The following SPOCK1 variants were observed in gnomAD, a reference collection of about 807,000 sequenced individuals.
SPOCK1 encodes SPARC (osteonectin), cwcv and kazal like domains proteoglycan 1.
In SPOCK1, 23 loss-of-function variants were observed where a neutral mutation model predicts 55.3. That is an observed-to-expected ratio of 0.42 (90% CI 0.30 to 0.59). The LOEUF is 0.59. Ranked by LOEUF, SPOCK1 falls within the 20% of genes least tolerant of loss-of-function variation. SPOCK1 has a pLI of 0.22. For synonymous variants in SPOCK1, 226 were observed against 221.0 expected (o/e 1.02, Z -0.20); for missense variants, 499 against 552.5 (o/e 0.90, Z 0.97).
At chr5:137,154,796 A>C (rs1164844537) in intron 3 of SPOCK1, among the ~76,000 whole-genome samples, 1 of 152,212 alleles carries the variant, frequency 6.6e-6, no homozygotes, top group Non-Finnish European at 1.5e-5. Context: ...AAAGGCGAAC[A>C]ATCTGCACAG....
intron 6 of SPOCK1, among the ~76,000 whole-genome samples, chr5:137,061,957 C>T (rs942584382): frequency 2.6e-5 from 4 of 152,114 alleles, no homozygotes; most frequent in South Asian, 2.1e-4. Flanking sequence ...TGTACCCACA[C>T]GTGATAGGAA....
chr5:137,351,215 T>A (rs73298707), intron 2 of SPOCK1, among the ~76,000 whole-genome samples: 1 of 152,086 alleles, frequency 6.6e-6, no homozygotes, highest in Non-Finnish European at 1.5e-5. Flanking sequence ...GATCCCCACC[T>A]CCCACCAGAG....
chr5:137,134,148 T>C (rs1208474883), intron 4 of SPOCK1, among the ~76,000 whole-genome samples: 1 of 152,198 alleles, frequency 6.6e-6, no homozygotes, highest in African/African-American at 2.4e-5. Flanking sequence ...AGGACAGTTA[T>C]TTACACAACC....
At chr5:137,452,811 G>C (rs1753283544) in intron 2 of SPOCK1, among the ~76,000 whole-genome samples, 1 of 152,142 alleles carries the variant, frequency 6.6e-6, no homozygotes, top group African/African-American at 2.4e-5. Context: ...TGCTCTATCA[G>C]CTCTATGAGG....
chr5:137,144,225 C>G (rs557023738), intron 3 of SPOCK1, among the ~76,000 whole-genome samples: 4 of 152,104 alleles, frequency 2.6e-5, no homozygotes, highest in Non-Finnish European at 5.9e-5. Context: ...TCAAAGGAAC[C>G]ATGGTCTGGT....
intron 2 of SPOCK1, among the ~76,000 whole-genome samples, chr5:137,334,907 G>C (rs543192947): frequency 6.6e-6 from 1 of 152,144 alleles, no homozygotes; most frequent in South Asian, 2.1e-4. Context: ...ACCCAAGGGC[G>C]TACCCGTCAC....
intron 3 of SPOCK1, among the ~76,000 whole-genome samples, chr5:137,255,032 C>T (rs184332138): frequency 6.6e-5 from 10 of 152,314 alleles, no homozygotes; most frequent in South Asian, 2.1e-4. Context: ...TTGTCAATTT[C>T]GTCCATGTAT....
At chr5:137,191,861 C>A (rs188857445) in intron 3 of SPOCK1, among the ~76,000 whole-genome samples, 1 of 152,162 alleles carries the variant, frequency 6.6e-6, no homozygotes, top group African/African-American at 2.4e-5. Flanking sequence ...ATTCTACTTT[C>A]CAACAAACTC....
chr5:137,324,785 C>A (rs1446179158), intron 2 of SPOCK1, among the ~76,000 whole-genome samples: 5 of 147,106 alleles, frequency 3.4e-5, no homozygotes, highest in South Asian at 2.1e-4. Flanking sequence ...TTTTTAACCA[C>A]AATTAGGAAA....
intron 4 of SPOCK1, among the ~76,000 whole-genome samples, chr5:137,138,701 A>AC (rs33985139): frequency 0.012 from 1,652 of 138,928 alleles, 25 homozygotes; most frequent in Admixed American, 0.049. Context: ...TCAAATAATA[A>AC]CCCCCCCCCC....
intron 2 of SPOCK1, among the ~76,000 whole-genome samples, chr5:137,278,535 C>G (rs1463189862): frequency 6.6e-6 from 1 of 152,144 alleles, no homozygotes; most frequent in African/African-American, 2.4e-5. Flanking sequence ...CAGGGCCCAC[C>G]ACATGGGTAG....
chr5:137,199,363 G>A (rs965774503), intron 3 of SPOCK1, among the ~76,000 whole-genome samples: 1 of 152,166 alleles, frequency 6.6e-6, no homozygotes, highest in East Asian at 1.9e-4. Flanking sequence ...CTCAGCTGTG[G>A]TTTTTGTTCT....
intron 2 of SPOCK1, among the ~76,000 whole-genome samples, chr5:137,383,762 C>T (rs1298721647): frequency 2.6e-5 from 4 of 152,232 alleles, no homozygotes; most frequent in Non-Finnish European, 5.9e-5. Flanking sequence ...GACAGTCTTT[C>T]CACAGCTGCA....
chr5:137,190,618 C>T (rs1755163543), intron 3 of SPOCK1, among the ~76,000 whole-genome samples: 1 of 152,218 alleles, frequency 6.6e-6, no homozygotes, highest in East Asian at 1.9e-4. Flanking sequence ...TGGAACCAAA[C>T]CCACAGTATC....
At chr5:137,304,629 C>G (rs1304546599) in intron 2 of SPOCK1, among the ~76,000 whole-genome samples, 3 of 152,134 alleles carry the variant, frequency 2.0e-5, no homozygotes, top group Non-Finnish European at 4.4e-5. Context: ...GTAAGGGAGG[C>G]AGCTTCCCCC....
intron 7 of SPOCK1, among the ~76,000 whole-genome samples, chr5:136,990,787 G>A (rs1177950948): frequency 6.6e-6 from 1 of 152,066 alleles, no homozygotes; most frequent in Non-Finnish European, 1.5e-5. Flanking sequence ...ACTGCTGACT[G>A]GTCGGCAAAA....
In SPOCK1 at chr5:137,074,212, G is replaced by A. The variant is rs553771143; in HGVS notation, c.475-6383C>T. Among the ~76,000 whole-genome samples the A allele has an allele frequency of 4.6e-5, 7 of 152,268 alleles. No homozygotes were observed. In the South Asian group the frequency reaches 1.2e-3, roughly 27 times the overall value. ...ATTAAAAATCGGAAACAAATGAAAT[G>A]AGTGAAAGTTAACAGAACCTTGACT... On this transcript the variant is annotated intron_variant, in intron 5 of 10. Transcript: ENST00000394945.
At chr5:137,076,102 CA>C (rs1392792535) in intron 5 of SPOCK1, among the ~76,000 whole-genome samples, 1 of 152,174 alleles carries the variant, frequency 6.6e-6, no homozygotes, top group African/African-American at 2.4e-5. Context: ...ACAGCCTCAC[CA>C]TGCAAGGCCT....
intron 3 of SPOCK1, among the ~76,000 whole-genome samples, chr5:137,159,744 A>G (rs1466298384): frequency 6.6e-6 from 1 of 152,126 alleles, no homozygotes; most frequent in African/African-American, 2.4e-5. Context: ...TCATTGGTCA[A>G]TGGGCACTTA....
Sources: gnomAD v4.1 joint callset for allele counts (sites outside exome capture counted in the v4.1 genomes callset) on GRCh38, gnomAD v4.1.1 for gene constraint, MANE v1.5 for transcripts, NCBI Gene and HGNC (gene_info 2026-07-23, HGNC 2026-07-21) for gene names.